FREM2: variants seen among roughly 807,000 people sequenced by gnomAD.
FREM2 encodes FRAS1 related extracellular matrix 2, also known as FRAS1-related extracellular matrix protein 2.
Under a neutral mutation model 219.9 loss-of-function variants are expected in FREM2, and 119 were observed. The observed-to-expected ratio is 0.54, with a 90% CI of 0.47 to 0.63. The LOEUF (loss-of-function observed/expected upper bound fraction) is 0.63. FREM2 is among the 30% of genes least tolerant of loss of function. The pLI, the probability that FREM2 is intolerant of heterozygous loss-of-function variation, is 0.00. For missense variants in FREM2, 4,030 were observed against 3,993.6 expected, an observed-to-expected ratio of 1.01 and a Z score of -0.25; for synonymous variants, 1,562 against 1,522.8, an observed-to-expected ratio of 1.03 and a Z score of -0.60.
At chr13:38,703,613 C>T (rs1242280634) in intron 2 of FREM2, among the ~76,000 whole-genome samples, 2 of 152,084 alleles carry the variant, frequency 1.3e-5, no homozygotes, top group Non-Finnish European at 2.9e-5. Context: ...GGTACCTGTA[C>T]TGTGTGCAAG....
chr13:38,814,306 C>T (rs545020855), intron 6 of FREM2, among the ~76,000 whole-genome samples: 2 of 152,250 alleles, frequency 1.3e-5, no homozygotes, highest in African/African-American at 4.8e-5. Context: ...GTGGTTTTCA[C>T]AGTCTGGGCT....
chr13:38,708,630 G>C (rs1356406594), intron 2 of FREM2, among the ~76,000 whole-genome samples: 1 of 151,988 alleles, frequency 6.6e-6, no homozygotes, highest in African/African-American at 2.4e-5. Context: ...CCCCAGCCTG[G>C]GTGACAGAAT....
At chr13:38,816,854 TAAAC>T (rs941154777) in intron 6 of FREM2, among the ~76,000 whole-genome samples, 27 of 152,078 alleles carry the variant, frequency 1.8e-4, no homozygotes, top group African/African-American at 5.5e-4. Flanking sequence ...ACAGAACTAA[TAAAC>T]AAACTCAGTA....
chr13:38,687,486 C>T lies in FREM2; in HGVS notation c.142C>T (p.Pro48Ser), dbSNP rs1869517045. ...ACTGGTAAGCCGCGTCCCGGCACAGCCCGCTGCCTTCGGCAGGGCGTTGCT... is the reference window on the plus strand; with the variant it reads ...ACTGGTAAGCCGCGTCCCGGCACAGTCCGCTGCCTTCGGCAGGGCGTTGCT... ...LSLVSRVPAQ[P>S]AAFGRALLSP... The change falls in exon 1 of 24, where the codon CCC becomes TCC. Residue 48 changes from proline to serine, a missense_variant. Transcript: ENST00000280481. The T allele has an allele frequency of 6.3e-7, 1 of 1,592,724 alleles. No individual in the cohort carries two copies. The highest frequency in any genetic ancestry group is 8.5e-7 in the Non-Finnish European group (1 of 1,170,388).
chr13:38,726,001 C>G (rs1432021483), intron 2 of FREM2, among the ~76,000 whole-genome samples: 1 of 152,116 alleles, frequency 6.6e-6, no homozygotes, highest in Admixed American at 6.6e-5. Context: ...TTGAAGCCAA[C>G]AGATCAGGAC....
rs1409934197 is a variant in FREM2 at position 38,846,237 on chromosome 13, C to T, written c.6020-336C>T. ...CAAAGTAAAAAAAAAAAAAAAGATACGTGTTTTGCTTCATTTAGTTCTATT... is the reference window on the plus strand; with the variant it reads ...CAAAGTAAAAAAAAAAAAAAAGATATGTGTTTTGCTTCATTTAGTTCTATT... On this transcript the variant is annotated intron_variant, in intron 6 of 23. Transcript: ENST00000280481. Among the ~76,000 whole-genome samples the T allele has an allele frequency of 4.0e-5, 6 of 151,064 alleles. No individual in the cohort carries two copies. In the East Asian group the frequency reaches 7.8e-4, roughly 20 times the overall value.
intron 6 of FREM2, among the ~76,000 whole-genome samples, chr13:38,834,181 C>T (rs145105057): frequency 6.6e-6 from 1 of 151,970 alleles, no homozygotes; most frequent in Non-Finnish European, 1.5e-5. Context: ...TCCCCACCCC[C>T]CAATAGGCCC....
rs1286220140 is a variant in FREM2, at chr13:38,691,443, G to C, written c.4099G>C (p.Gly1367Arg). ...PTGAFENITL[G>R]MNFTQDEVDR... ...TGGTGCCTTTGAAAATATCACACTGGGCATGAATTTTACCCAGGATGAAGT... is the reference window on the plus strand; with the variant it reads ...TGGTGCCTTTGAAAATATCACACTGCGCATGAATTTTACCCAGGATGAAGT... Residue 1367 changes from glycine (G) to arginine (R), a missense_variant, in exon 1 of 24, where the codon GGC becomes CGC. Physicochemically the swap from Gly to Arg is moderately radical, Grantham distance 125. Around this residue, in one of 2 missense-constraint regions of FREM2, gnomAD observed 3,102 missense variants for 2,950.7 expected, o/e 1.05. Coordinates refer to ENST00000280481, the MANE Select transcript of FREM2 (RefSeq NM_207361.6). 1 of 1,613,932 alleles carries C rather than the reference G, an allele frequency of 6.2e-7. No homozygotes were observed. The highest frequency in any genetic ancestry group is 8.5e-7 in the Non-Finnish European group (1 of 1,180,024).
At chr13:38,861,009 A>G (rs1332868562) in intron 14 of FREM2, among the ~76,000 whole-genome samples, 1 of 152,232 alleles carries the variant, frequency 6.6e-6, no homozygotes, top group Non-Finnish European at 1.5e-5. Context: ...ATAACTAATG[A>G]TAAGTATATT....
At chr13:38,752,134 C>T (rs1464579176) in intron 2 of FREM2, among the ~76,000 whole-genome samples, 1 of 152,128 alleles carries the variant, frequency 6.6e-6, no homozygotes, top group Non-Finnish European at 1.5e-5. Context: ...GACATTGATG[C>T]TGTAATACTC....
intron 15 of FREM2, among the ~76,000 whole-genome samples, 182 bp from the exon 16 acceptor site, chr13:38,864,081 GACCTCCCAAAGT>G (rs1164388335): frequency 7.2e-6 from 1 of 139,516 alleles, no homozygotes; most frequent in East Asian, 2.1e-4. Flanking sequence ...CACCCACCTA[GACCTCCCAAAGT>G]GCCGGGATTA....
intron 6 of FREM2, among the ~76,000 whole-genome samples, chr13:38,834,560 T>G (rs562971530): frequency 6.6e-6 from 1 of 152,284 alleles, no homozygotes; most frequent in South Asian, 2.1e-4. Flanking sequence ...AATTTACACT[T>G]CCACCAACAG....
chr13:38,848,430 C>T, intron 7 of FREM2, 31 bp from the exon 8 acceptor site: 1 of 1,478,992 alleles, frequency 6.8e-7, no homozygotes, highest in South Asian at 1.1e-5. Flanking sequence ...TAATTAGTCC[C>T]CAACTGAATA....
chr13:38,806,453 A>G (rs1427783916), intron 6 of FREM2, among the ~76,000 whole-genome samples: 1 of 151,988 alleles, frequency 6.6e-6, no homozygotes, highest in East Asian at 2.0e-4. Context: ...TAAAGCAACT[A>G]TTGCAATAAA....
chr13:38,849,068 A>G (rs113292158), intron 8 of FREM2, among the ~76,000 whole-genome samples: 2 of 152,204 alleles, frequency 1.3e-5, no homozygotes, highest in African/African-American at 4.8e-5. Context: ...TTGTAATTTA[A>G]TTACTTCTGT....
intron 16 of FREM2, among the ~76,000 whole-genome samples, chr13:38,871,264 T>C (rs1479174677): frequency 6.6e-6 from 1 of 152,192 alleles, no homozygotes; most frequent in Admixed American, 6.5e-5. Context: ...CAGTTTACTT[T>C]TAACTTCATA....
chr13:38,711,657 C>A (rs2138095621), intron 2 of FREM2, among the ~76,000 whole-genome samples: 1 of 152,176 alleles, frequency 6.6e-6, no homozygotes, highest in East Asian at 1.9e-4. Context: ...TTGATCATAT[C>A]ATAAGTGTAT....
intron 6 of FREM2, among the ~76,000 whole-genome samples, chr13:38,822,386 T>C (rs546306333): frequency 2.7e-4 from 41 of 149,796 alleles, no homozygotes; most frequent in Non-Finnish European, 4.7e-4. Flanking sequence ...ATCACACTTA[T>C]TCAGAAGGGT....
chr13:38,840,644 A>ATATATATATATATATGTG (rs1184958401), intron 6 of FREM2, among the ~76,000 whole-genome samples: 2,747 of 134,030 alleles, frequency 0.02, 42 homozygotes, highest in African/African-American at 0.036. Flanking sequence ...ATATATATAT[A>ATATATATATATATATGTG]TGTGTATGTA....
Sources: gnomAD v4.1 joint callset for allele counts (sites outside exome capture counted in the v4.1 genomes callset) on GRCh38, gnomAD v4.1.1 for gene constraint, gnomAD v4.1.1 regional missense constraint, MANE v1.5 for transcripts, NCBI Gene and HGNC (gene_info 2026-07-23, HGNC 2026-07-21) for gene names.